ZNF462: variants seen among roughly 807,000 people sequenced by gnomAD.
The protein encoded by ZNF462 is zinc finger PBX1-interacting protein.
Under a neutral mutation model 201.9 loss-of-function variants are expected in ZNF462, and 10 were observed. The ratio of observed to expected loss-of-function variants is 0.05; its 90% CI spans 0.03 to 0.08. The LOEUF is 0.08. Ranked by LOEUF, ZNF462 falls within the 10% of genes least tolerant of loss-of-function variation. ZNF462 has a pLI of 1.00. For synonymous variants in ZNF462, 1,227 were observed against 1,193.3 expected (o/e 1.03, Z -0.58); for missense variants, 2,523 against 3,168.3 (o/e 0.80, Z 4.89).
At position 106,984,588 on chromosome 9, in the gene ZNF462, G is replaced by T. The variant is rs1013437379; in HGVS notation, c.7056+179G>T. Among the ~76,000 whole-genome samples, 1 of 152,132 alleles carries T rather than the reference G, an allele frequency of 6.6e-6. No homozygotes were observed. The highest frequency in any genetic ancestry group is 1.5e-5 in the Non-Finnish European group (1 of 68,030). On this transcript the variant is annotated intron_variant, in intron 10 of 12. Coordinates refer to ENST00000277225, the MANE Select transcript of ZNF462 (RefSeq NM_021224.6). This position sits in a 1 kb window ranked among gnomAD's most constrained non-coding sequence, Gnocchi z 6.4. ...ACGTAAGGTCATTTTTAAAAATTGC[G>T]AAACACAGGTTGGGTGGAAGGGAAA... is the stretch of plus-strand genomic sequence containing the variant.
At chr9:106,939,540 G>A (rs940515537) in intron 7 of ZNF462, among the ~76,000 whole-genome samples, 3 of 152,198 alleles carry the variant, frequency 2.0e-5, no homozygotes, top group Non-Finnish European at 4.4e-5. Context: ...GAGTAGGAGT[G>A]CAAAGGGTGA....
intron 7 of ZNF462, among the ~76,000 whole-genome samples, chr9:106,953,201 G>A (rs993503325): frequency 6.6e-6 from 1 of 152,134 alleles, no homozygotes; most frequent in Non-Finnish European, 1.5e-5. Context: ...TCAGTGTTCT[G>A]CCTTCAGCAT....
chr9:106,864,072 C>CTCTCTCTG (rs1564062451), intron 1 of ZNF462, among the ~76,000 whole-genome samples: 9 of 125,244 alleles, frequency 7.2e-5, no homozygotes, highest in Admixed American at 1.6e-4. Context: ...CTCTCTCTCT[C>CTCTCTCTG]TCTCTCTCTC....
At chr9:107,002,777 G>A (rs932229397) in intron 10 of ZNF462, among the ~76,000 whole-genome samples, 1 of 152,160 alleles carries the variant, frequency 6.6e-6, no homozygotes, top group African/African-American at 2.4e-5. Flanking sequence ...TAGAGTTAAG[G>A]ATCAGATGGC....
At position 106,943,745 on chromosome 9, in the gene ZNF462, C is replaced by G. The variant is rs1046616634; in HGVS notation, c.6427+4638C>G. ...CAGTTAGGTAAGTACTTATTAAATA[C>G]TTATTCTTTTCATGGACCAGTGGTA... On this transcript the variant is annotated intron_variant, in intron 7 of 12. Transcript: ENST00000277225. 3.3e-5 allele frequency among the ~76,000 whole-genome samples: 5 copies of G among 152,126 alleles called. 1 individual carries two copies. The highest frequency in any genetic ancestry group is 6.5e-5 in the Admixed American group (1 of 15,268).
rs78427305 is a variant in ZNF462 at position 106,867,626 on chromosome 9, C to G, written c.-31+4271C>G. On this transcript the variant is annotated intron_variant, in intron 1 of 12. Coordinates refer to ENST00000277225, the MANE Select transcript of ZNF462 (RefSeq NM_021224.6). ...TCTTCCTAATGAATCTTCCGGAAGA[C>G]AGCAGAAGAAAAAAAATCCAACTCT... is the stretch of plus-strand genomic sequence containing the variant. 1.5e-3 allele frequency among the ~76,000 whole-genome samples: 221 copies of G among 150,164 alleles called. 7 individuals are homozygous for G. In the East Asian group the frequency reaches 0.039, roughly 27 times the overall value.
chr9:106,871,452 A>C (rs574284550), intron 1 of ZNF462, among the ~76,000 whole-genome samples: 1 of 152,360 alleles, frequency 6.6e-6, no homozygotes, highest in African/African-American at 2.4e-5. Context: ...AAAGAAGAGA[A>C]GCAGGAAAAT....
At chr9:106,997,375 C>T (rs1364561187) in intron 10 of ZNF462, among the ~76,000 whole-genome samples, 2 of 152,164 alleles carry the variant, frequency 1.3e-5, no homozygotes, top group African/African-American at 4.8e-5. Context: ...ACTGCACTCC[C>T]ATGTTCCCTG....
chr9:106,914,874 A>G (rs1829703043), intron 1 of ZNF462, among the ~76,000 whole-genome samples: 1 of 152,184 alleles, frequency 6.6e-6, no homozygotes, highest in African/African-American at 2.4e-5. Context: ...TGTCAAGGAA[A>G]GCCCCTGGAT....
chr9:106,926,976 C>G lies in ZNF462; in HGVS notation c.3064C>G (p.Pro1022Ala). 2 of 1,614,096 alleles carry G rather than the reference C, an allele frequency of 1.2e-6. No homozygotes were observed. Among genetic ancestry groups the G allele is most frequent in the East Asian group, 4.5e-5 (2 of 44,876 alleles). ...FTPECENQKD[P>A]LVNTVVVYDC... ...TCCTGAATGTGAAAATCAGAAGGAC[C>G]CTTTGGTCAACACTGTTGTTGTTTA... Residue 1022 changes from proline to alanine, a missense_variant, in exon 3 of 13, where the codon CCT becomes GCT. By Grantham distance (27) the Pro-to-Ala change is conservative. This residue lies in a region of ZNF462 where 280 missense variants were observed against 321.3 expected (regional missense o/e 0.87). Coordinates refer to ENST00000277225, the MANE Select transcript of ZNF462 (RefSeq NM_021224.6). The surrounding 1 kb of genome is among the most constrained non-coding windows in gnomAD (Gnocchi z 7.9).
At position 106,939,076 on chromosome 9, in the gene ZNF462, T is replaced by C. The variant is rs1199099832; in HGVS notation, c.6396T>C (p.Ala2132=). ...ACTCCCACCACTCCTCCCAAAAAGC[T>C]ACCCCGGCTGAAGAAGTGGAAGACT... ...SSHSHHSSQK[A]TPAEEVEDSN... The change falls in exon 7 of 13, where the codon GCT becomes GCC. Residue 2132 remains alanine, a synonymous_variant. Coordinates refer to ENST00000277225, the MANE Select transcript of ZNF462 (RefSeq NM_021224.6). 3.1e-6 allele frequency: 5 copies of C among 1,610,146 alleles called. No homozygotes were observed. Among genetic ancestry groups the C allele is most frequent in the East Asian group, 4.5e-5 (2 of 44,706 alleles).
intron 1 of ZNF462, among the ~76,000 whole-genome samples, chr9:106,899,241 G>GT (rs1333129392): frequency 0.012 from 687 of 55,326 alleles, 16 homozygotes; most frequent in African/African-American, 0.052. Context: ...TGTGTGTGTG[G>GT]GGGGGGGGGG....
chr9:106,955,919 T>TGTAC (rs1285467854), intron 7 of ZNF462, among the ~76,000 whole-genome samples: 6 of 152,136 alleles, frequency 3.9e-5, no homozygotes, highest in Non-Finnish European at 8.8e-5. Flanking sequence ...CTCTTGGTGT[T>TGTAC]TGTACCACAC....
At chr9:106,990,179 A>C (rs538285603) in intron 10 of ZNF462, among the ~76,000 whole-genome samples, 5 of 152,088 alleles carry the variant, frequency 3.3e-5, no homozygotes, top group Admixed American at 6.6e-5. Flanking sequence ...TTTTTGACCC[A>C]ATGCTCATTC....
chr9:106,931,236 C>G (rs1454079618), intron 4 of ZNF462, among the ~76,000 whole-genome samples: 4 of 152,096 alleles, frequency 2.6e-5, no homozygotes, highest in Non-Finnish European at 5.9e-5. Context: ...TCCTCCATCC[C>G]CTCTCCCATA....
At chr9:106,994,373 T>C (rs1828529210) in intron 10 of ZNF462, among the ~76,000 whole-genome samples, 1 of 152,074 alleles carries the variant, frequency 6.6e-6, no homozygotes, top group African/African-American at 2.4e-5. Flanking sequence ...GCCAAAAAAG[T>C]CACTTAGGAC....
Position 106,930,674 on chromosome 9 carries a change from G to A in ZNF462, c.5997G>A (p.Val1999=). The stretch of plus-strand genomic sequence containing the variant: ...TCCAGTATGGCAATGTCCCAGCTGT[G>A]TCAGCTGCTGTGAAGGTGAGAACTG... ...KHVQYGNVPA[V]SAAVKGLRSH... is the part of the protein sequence containing the mutation. The change falls in exon 4 of 13, where the codon GTG becomes GTA. Residue 1999 remains valine (V), a synonymous_variant. Coordinates refer to ENST00000277225, the MANE Select transcript of ZNF462 (RefSeq NM_021224.6). The surrounding 1 kb of genome is among the most constrained non-coding windows in gnomAD (Gnocchi z 5.8). The A allele has an allele frequency of 6.2e-7, 1 of 1,614,116 alleles. No homozygotes were observed. Among genetic ancestry groups the A allele is most frequent in the Non-Finnish European group, 8.5e-7 (1 of 1,180,006 alleles).
chr9:106,974,973 A>G lies in ZNF462; in HGVS notation c.6832+700A>G, dbSNP rs946228320. 2.4e-4 allele frequency: 36 copies of G among 152,216 alleles called. No homozygotes were observed. The highest frequency in any genetic ancestry group is 8.0e-4 in the African/African-American group (33 of 41,432). The allele number at this position is 152,216 out of a possible 1,614,324, so 9.4% of individuals were successfully genotyped here. On this transcript the variant is annotated intron_variant, in intron 9 of 12. Transcript: ENST00000277225. This position sits in a 1 kb window ranked among gnomAD's most constrained non-coding sequence, Gnocchi z 4.0. ...AATAAATGTTGGTTCCTGCTGATAA[A>G]CAGTGATACTTCTTTTAAGTCCACT... is the stretch of plus-strand genomic sequence containing the variant.
chr9:106,882,426 G>A (rs534332036), intron 1 of ZNF462, among the ~76,000 whole-genome samples: 2 of 152,278 alleles, frequency 1.3e-5, no homozygotes, highest in Admixed American at 6.5e-5. Flanking sequence ...ATTTCTGCCT[G>A]AAACATCGCT....
Sources: allele counts gnomAD v4.1 joint callset (sites outside exome capture counted in the v4.1 genomes callset), GRCh38; gene constraint gnomAD v4.1.1; regional missense constraint gnomAD v4.1.1; non-coding constraint Gnocchi (gnomAD v3.1); transcripts MANE v1.5; gene names NCBI Gene and HGNC (gene_info 2026-07-23, HGNC 2026-07-21).